CNTN3: variants seen among roughly 807,000 people sequenced by gnomAD.
CNTN3 encodes the protein contactin 3.
A neutral mutation model predicts 119.1 loss-of-function variants in CNTN3; 60 were observed. The observed-to-expected ratio is 0.50, with a 90% confidence interval of 0.41 to 0.62. CNTN3 has a LOEUF of 0.62. Among genes scored for constraint, CNTN3 ranks in the 20% least tolerant of loss-of-function variants. The pLI is 0.00. For missense variants in CNTN3, 1,101 were observed against 1,242.4 expected, an observed-to-expected ratio of 0.89 and a Z score of 1.71; for synonymous variants, 450 against 438.7, an observed-to-expected ratio of 1.03 and a Z score of -0.32.
chr3:74,425,209 A>G (rs748463911), intron 4 of CNTN3, among the ~76,000 whole-genome samples: 8 of 152,092 alleles, frequency 5.3e-5, no homozygotes, highest in Non-Finnish European at 7.4e-5. Context: ...CCCAACAGGT[A>G]GGTAGTTTTC....
At chr3:74,507,582 T>G (rs969919674) in intron 2 of CNTN3, among the ~76,000 whole-genome samples, 8 of 151,068 alleles carry the variant, frequency 5.3e-5, no homozygotes, top group Non-Finnish European at 1.0e-4. Flanking sequence ...ATAAACACCA[T>G]CTACTTCTCC....
chr3:74,454,041 G>A (rs1702214367), intron 4 of CNTN3, among the ~76,000 whole-genome samples: 1 of 142,726 alleles, frequency 7.0e-6, no homozygotes, highest in African/African-American at 2.6e-5. Context: ...TTGGTGCAGA[G>A]CTGAGTTCAA....
intron 11 of CNTN3, among the ~76,000 whole-genome samples, chr3:74,357,348 A>G (rs1231543792): frequency 6.6e-6 from 1 of 151,922 alleles, no homozygotes; most frequent in Non-Finnish European, 1.5e-5. Context: ...CAGTGGTGCA[A>G]TCTCGGCTCA....
intron 1 of CNTN3, among the ~76,000 whole-genome samples, chr3:74,588,479 T>C (rs1374692923): frequency 1.3e-5 from 2 of 152,062 alleles, no homozygotes; most frequent in Admixed American, 6.6e-5. Flanking sequence ...TGGAAGAACA[T>C]TCCATGCTCA....
At chr3:74,558,708 G>A (rs899040400) in intron 1 of CNTN3, among the ~76,000 whole-genome samples, 1 of 152,020 alleles carries the variant, frequency 6.6e-6, no homozygotes, top group South Asian at 2.1e-4. Flanking sequence ...CAGGCCAGGT[G>A]CAGTGGTTCA....
At chr3:74,595,758 T>C (rs1325072864) in intron 1 of CNTN3, among the ~76,000 whole-genome samples, 375 of 151,854 alleles carry the variant, frequency 2.5e-3, no homozygotes, top group Non-Finnish European at 4.1e-3. Context: ...AAACTGGAAG[T>C]ATTCCCTTTG....
At chr3:74,295,052 G>T in intron 19 of CNTN3, 69 bp downstream of exon 19, 1 of 1,054,740 alleles carries the variant, frequency 9.5e-7, no homozygotes, top group Non-Finnish European at 1.4e-6. Flanking sequence ...CATTGTTAAG[G>T]GTTTTAAATT....
intron 3 of CNTN3, among the ~76,000 whole-genome samples, chr3:74,489,880 A>T (rs1702930892): frequency 6.6e-6 from 1 of 152,190 alleles, no homozygotes; most frequent in Non-Finnish European, 1.5e-5. Context: ...CTCTCAGCTC[A>T]GTGCTTCCAC....
At chr3:74,293,034 T>C (rs1702265456) in intron 19 of CNTN3, among the ~76,000 whole-genome samples, 1 of 152,224 alleles carries the variant, frequency 6.6e-6, no homozygotes, top group African/African-American at 2.4e-5. Context: ...CTCTCTTCCT[T>C]AAGTCCAGAC....
intron 11 of CNTN3, among the ~76,000 whole-genome samples, chr3:74,352,607 T>G (rs113011433): frequency 2.6e-3 from 399 of 152,324 alleles, no homozygotes; most frequent in African/African-American, 8.9e-3. Flanking sequence ...CTCCTTGATG[T>G]CTCTTATTCA....
chr3:74,450,851 T>C (rs1324874595), intron 4 of CNTN3, among the ~76,000 whole-genome samples: 1 of 152,112 alleles, frequency 6.6e-6, no homozygotes, highest in Non-Finnish European at 1.5e-5. Context: ...CTCATCATTT[T>C]TTATGGCTGC....
chr3:74,309,255 C>A (rs540372801), intron 13 of CNTN3, among the ~76,000 whole-genome samples: 1 of 152,230 alleles, frequency 6.6e-6, no homozygotes, highest in African/African-American at 2.4e-5. Context: ...CAGGCATGTG[C>A]CACCATGCCC....
Position 74,426,917 on chromosome 3 carries a change from C to T in CNTN3, c.359-1977G>A, listed in dbSNP as rs1264430963. Among the ~76,000 whole-genome samples, 4 of 152,134 alleles carry T rather than the reference C, an allele frequency of 2.6e-5. No individual in the cohort carries two copies. In the East Asian group the frequency reaches 5.8e-4, roughly 22 times the overall value. On this transcript the variant is annotated intron_variant, in intron 4 of 22. Transcript: ENST00000263665. ...AGTATGTGTCATCATTGCTGCCTTC[C>T]TGTCTAATTCCTTGTTATCTTCTGC... is the stretch of plus-strand genomic sequence containing the variant.
chr3:74,606,004 C>T (rs1041559298), intron 1 of CNTN3, among the ~76,000 whole-genome samples: 3 of 152,016 alleles, frequency 2.0e-5, no homozygotes, highest in Admixed American at 6.6e-5. Flanking sequence ...AAACTTAATA[C>T]ATTTTACATC....
chr3:74,369,700 A>C (rs138328255), intron 7 of CNTN3, among the ~76,000 whole-genome samples, 189 bp downstream of exon 7: 13 of 151,758 alleles, frequency 8.6e-5, no homozygotes, highest in Admixed American at 3.3e-4. Flanking sequence ...ATTTTCTTCA[A>C]ATCGACTTTG....
At chr3:74,312,455 CAAAAAAA>C (rs745514119) in intron 13 of CNTN3, among the ~76,000 whole-genome samples, 948 of 27,766 alleles carry the variant, frequency 0.034, 11 homozygotes, top group Non-Finnish European at 0.043. Flanking sequence ...GACTCCATCT[CAAAAAAA>C]AAAAAAAAAA....
chr3:74,453,206 T>A (rs529043219), intron 4 of CNTN3, among the ~76,000 whole-genome samples: 1 of 151,500 alleles, frequency 6.6e-6, no homozygotes, highest in African/African-American at 2.4e-5. Flanking sequence ...CTGTTATTGG[T>A]CTATTCAGAG....
At chr3:74,535,171 C>G (rs1553678984) in intron 1 of CNTN3, among the ~76,000 whole-genome samples, 1 of 152,016 alleles carries the variant, frequency 6.6e-6, no homozygotes, top group Non-Finnish European at 1.5e-5. Flanking sequence ...TTTGCTTTAT[C>G]ACAGCAAATT....
At chr3:74,283,617 A>G (rs1022028513) in intron 20 of CNTN3, among the ~76,000 whole-genome samples, 1 of 152,136 alleles carries the variant, frequency 6.6e-6, no homozygotes, top group African/African-American at 2.4e-5. Context: ...ATAATTTCCT[A>G]GCAAGTAATC....
Sources: gnomAD v4.1 joint callset for allele counts (sites outside exome capture counted in the v4.1 genomes callset) on GRCh38, gnomAD v4.1.1 for gene constraint, MANE v1.5 for transcripts, NCBI Gene and HGNC (gene_info 2026-07-23, HGNC 2026-07-21) for gene names.